CHN1: variants seen among roughly 807,000 people sequenced by gnomAD.
The protein encoded by CHN1 is N-chimaerin.
In CHN1, 37 loss-of-function variants were observed where a neutral mutation model predicts 59.5. The ratio of observed to expected loss-of-function variants is 0.62; its 90% CI spans 0.48 to 0.82. The LOEUF (loss-of-function observed/expected upper bound fraction) is 0.82. Ranked by LOEUF, CHN1 falls within the 40% of genes least tolerant of loss-of-function variation. The probability of loss-of-function intolerance (pLI) is 0.00; values close to 1 mark genes in which losing one functional copy is unlikely to be tolerated. For missense variants in CHN1, 469 were observed against 571.0 expected, an observed-to-expected ratio of 0.82 and a Z score of 1.82; for synonymous variants, 206 against 200.4, an observed-to-expected ratio of 1.03 and a Z score of -0.24.
chr2:174,988,177 T>C (rs1691412959), intron 1 of CHN1, among the ~76,000 whole-genome samples: 2 of 151,808 alleles, frequency 1.3e-5, no homozygotes, highest in African/African-American at 4.8e-5. Flanking sequence ...GCTAACACGG[T>C]GAAACCCCGT....
intron 6 of CHN1, among the ~76,000 whole-genome samples, chr2:174,864,407 A>C (rs1470107528): frequency 6.6e-6 from 1 of 152,220 alleles, no homozygotes; most frequent in Non-Finnish European, 1.5e-5. Context: ...TGAAGACGTA[A>C]ATGTATGCTG....
chr2:174,955,189 TA>T, intron 1 of CHN1, among the ~76,000 whole-genome samples: 1 of 102,544 alleles, frequency 9.8e-6, no homozygotes, highest in African/African-American at 4.4e-5. Flanking sequence ...TATATCTATA[TA>T]TATATATATA....
intron 6 of CHN1, among the ~76,000 whole-genome samples, chr2:174,856,843 T>C (rs1367199899): frequency 6.6e-6 from 1 of 152,168 alleles, no homozygotes; most frequent in Non-Finnish European, 1.5e-5. Flanking sequence ...GGGATGTTTA[T>C]GAGGGAAAGG....
At chr2:174,815,907 T>C (rs1040890992) in intron 8 of CHN1, among the ~76,000 whole-genome samples, 5 of 152,184 alleles carry the variant, frequency 3.3e-5, no homozygotes, top group Non-Finnish European at 5.9e-5. Flanking sequence ...AATGTCAACC[T>C]AGTTTACAAA....
intron 5 of CHN1, among the ~76,000 whole-genome samples, chr2:174,888,816 C>G (rs1012980819): frequency 2.0e-5 from 3 of 152,166 alleles, no homozygotes; most frequent in African/African-American, 7.2e-5. Flanking sequence ...TTTCCTCTTG[C>G]CTCAGGGCAC....
chr2:174,810,288 G>A (rs959322275), intron 10 of CHN1, among the ~76,000 whole-genome samples: 6 of 152,214 alleles, frequency 3.9e-5, no homozygotes, highest in Admixed American at 6.5e-5. Context: ...TTGCAGATGA[G>A]TGCTGGTACA....
At chr2:174,979,236 TTAAG>T (rs1262053820) in intron 1 of CHN1, among the ~76,000 whole-genome samples, 2 of 152,028 alleles carry the variant, frequency 1.3e-5, no homozygotes, top group Non-Finnish European at 2.9e-5. Flanking sequence ...AATAAAATTA[TTAAG>T]TAATATAGGA....
At chr2:174,845,847 A>T (rs536371396) in intron 7 of CHN1, among the ~76,000 whole-genome samples, 122 of 152,098 alleles carry the variant, frequency 8.0e-4, no homozygotes, top group Middle Eastern at 3.4e-3. Flanking sequence ...ATCAGAATAA[A>T]TTGCAAATGT....
intron 5 of CHN1, among the ~76,000 whole-genome samples, chr2:174,896,729 T>A (rs890824704): frequency 6.6e-6 from 1 of 152,166 alleles, no homozygotes; most frequent in Non-Finnish European, 1.5e-5. Flanking sequence ...ATTCAGTTAA[T>A]GACTACATTT....
At chr2:174,974,887 G>T (rs556499681) in intron 1 of CHN1, among the ~76,000 whole-genome samples, 867 of 101,132 alleles carry the variant, frequency 8.6e-3, no homozygotes, top group Middle Eastern at 0.023. Flanking sequence ...CAGGCCATAA[G>T]AAATAATTAA....
At chr2:174,969,303 C>T (rs1052443614) in intron 1 of CHN1, among the ~76,000 whole-genome samples, 5 of 152,228 alleles carry the variant, frequency 3.3e-5, no homozygotes, top group Non-Finnish European at 5.9e-5. Context: ...AAGAAGACCA[C>T]AACAGTGGCA....
intron 7 of CHN1, among the ~76,000 whole-genome samples, chr2:174,841,229 G>A (rs1378801718): frequency 1.3e-5 from 2 of 152,078 alleles, no homozygotes; most frequent in Non-Finnish European, 2.9e-5. Context: ...ACTTGTACTC[G>A]GGGTGTCATA....
rs948106728 is a variant in CHN1, at chr2:174,799,194, A to G, written c.*922T>C. 2 of 209,024 alleles carry G rather than the reference A, an allele frequency of 9.6e-6. No individual in the cohort carries two copies. Among genetic ancestry groups the G allele is most frequent in the Non-Finnish European group, 9.7e-6 (1 of 102,566 alleles). 12.9% of individuals were successfully genotyped at this position (209,024 alleles called of 1,614,324 possible). A position where few individuals can be genotyped will look rare whatever the true frequency, so the allele number is the denominator to read the frequency against. ...AAAGTATGTCAAGAAAATATTTTCT[A>G]GATTTCTGCCAGAGTAATATAAGAA... On this transcript the variant is annotated 3_prime_UTR_variant, in exon 13 of 13. Transcript: ENST00000409900.
Position 174,978,687 on chromosome 2 carries a change from T to C in CHN1, c.19+26207A>G, listed in dbSNP as rs115068074. On this transcript the variant is annotated intron_variant, in intron 1 of 12. Coordinates refer to ENST00000409900, the MANE Select transcript of CHN1 (RefSeq NM_001822.7). ...TTTCTGGTTCTTTTTTCACTTACAT[T>C]TGTCAAAATGCAATAAAGATTCTGG... Among the ~76,000 whole-genome samples the C allele has an allele frequency of 6.4e-3, 979 of 152,352 alleles. 16 individuals carry two copies. The highest frequency in any genetic ancestry group is 0.022 in the African/African-American group (930 of 41,576).
intron 1 of CHN1, among the ~76,000 whole-genome samples, chr2:174,958,332 T>C (rs1476509627): frequency 6.6e-6 from 1 of 152,210 alleles, no homozygotes; most frequent in African/African-American, 2.4e-5. Context: ...TGAATGTAAG[T>C]AATGTTTAGT....
intron 3 of CHN1, among the ~76,000 whole-genome samples, chr2:174,927,433 T>A (rs372310716): frequency 3.8e-4 from 58 of 152,356 alleles, no homozygotes; most frequent in Middle Eastern, 3.4e-3. Context: ...ACTTCTTGTA[T>A]CTTATTTTCA....
At chr2:174,814,657 C>A (rs1685184803) in intron 8 of CHN1, among the ~76,000 whole-genome samples, 2 of 152,164 alleles carry the variant, frequency 1.3e-5, no homozygotes, top group Non-Finnish European at 2.9e-5. Context: ...AAACTGTGTT[C>A]ACCATGACTA....
chr2:174,883,436 T>C (rs554737657), intron 5 of CHN1, among the ~76,000 whole-genome samples: 1 of 152,210 alleles, frequency 6.6e-6, no homozygotes. Flanking sequence ...GGCTTGTACC[T>C]TTCCTGATAG....
chr2:174,818,038 G>C (rs1214530044), intron 8 of CHN1, among the ~76,000 whole-genome samples: 1 of 152,192 alleles, frequency 6.6e-6, no homozygotes, highest in Non-Finnish European at 1.5e-5. Context: ...CTCCCAAAGT[G>C]CTGGGATTAT....
Sources: gnomAD v4.1 joint callset for allele counts (sites outside exome capture counted in the v4.1 genomes callset) on GRCh38, gnomAD v4.1.1 for gene constraint, MANE v1.5 for transcripts, NCBI Gene and HGNC (gene_info 2026-07-23, HGNC 2026-07-21) for gene names.